MCF2L: variants seen among roughly 807,000 people sequenced by gnomAD.
MCF2L encodes the protein guanine nucleotide exchange factor DBS.
MCF2L carries 97 observed loss-of-function variants against 153.4 expected under a neutral mutation model. The observed-to-expected ratio is 0.63, with a 90% CI of 0.54 to 0.75. MCF2L has a LOEUF of 0.75. Among genes scored for constraint, MCF2L ranks in the 30% least tolerant of loss-of-function variants. The pLI is 0.00. For missense variants in MCF2L, 1,347 were observed against 1,495.2 expected (o/e 0.90, Z 1.64); for synonymous variants, 659 against 632.2 (o/e 1.04, Z -0.64).
rs1410912927 is a variant in MCF2L at position 113,011,667 on chromosome 13, G to C, written c.80-3096G>C. On this transcript the variant is annotated intron_variant, in intron 1 of 29. Coordinates refer to ENST00000535094, the MANE Select transcript of MCF2L (RefSeq NM_001112732.3). ...AGGCAGTGTGGACGGTGGACACTGT[G>C]ATGCAGACGGTGGACAGGCGGTGTG... is the stretch of plus-strand genomic sequence containing the variant. Among the ~76,000 whole-genome samples the C allele has an allele frequency of 4.8e-5, 5 of 103,770 alleles. 1 individual carries two copies. The highest frequency in any genetic ancestry group is 1.1e-4 in the Non-Finnish European group (5 of 44,008). The allele number at this position is 103,770 out of a possible 152,430, so 68.1% of individuals were successfully genotyped here.
At chr13:112,992,941 G>GTGGT (rs2082948871) in intron 1 of MCF2L, among the ~76,000 whole-genome samples, 1 of 152,256 alleles carries the variant, frequency 6.6e-6, no homozygotes, top group Admixed American at 6.5e-5. Flanking sequence ...ACTGAGGTCA[G>GTGGT]ACCCTGGTGC....
At chr13:113,037,209 T>A (rs2086209674) in intron 3 of MCF2L, among the ~76,000 whole-genome samples, 1 of 152,320 alleles carries the variant, frequency 6.6e-6, no homozygotes, top group African/African-American at 2.4e-5. Flanking sequence ...TCCTAAGCTC[T>A]GTGTGCTGTT....
chr13:113,067,002 T>A (rs2141854209), intron 8 of MCF2L, among the ~76,000 whole-genome samples: 1 of 152,346 alleles, frequency 6.6e-6, no homozygotes, highest in African/African-American at 2.4e-5. Flanking sequence ...CTTGAGGGGC[T>A]CCTCGTAGAT....
In MCF2L at chr13:113,077,695, C is replaced by G. The variant is rs575152315; in HGVS notation, c.1660+484C>G. 3.3e-5 allele frequency among the ~76,000 whole-genome samples: 5 copies of G among 152,210 alleles called. No homozygotes were observed. The East Asian group carries it at 9.7e-4, about 29-fold the overall frequency. On this transcript the variant is annotated intron_variant, in intron 13 of 29. Coordinates refer to ENST00000535094, the MANE Select transcript of MCF2L (RefSeq NM_001112732.3). Reference sequence around the variant, plus strand: ...CACGTCCGCGCACCTCAGTCCGGCGCGCATTGCTGGTCCCAAACCCGCCCT... The same window carrying G: ...CACGTCCGCGCACCTCAGTCCGGCGGGCATTGCTGGTCCCAAACCCGCCCT...
chr13:113,086,931 T>G (rs1309548005), intron 21 of MCF2L, among the ~76,000 whole-genome samples: 1 of 152,206 alleles, frequency 6.6e-6, no homozygotes, highest in Non-Finnish European at 1.5e-5. Context: ...TGGAGCTCAC[T>G]CTGGGTGCTG....
At chr13:113,032,470 C>T (rs532925134) in intron 3 of MCF2L, among the ~76,000 whole-genome samples, 7 of 152,376 alleles carry the variant, frequency 4.6e-5, no homozygotes, top group African/African-American at 1.4e-4. Context: ...GGTGGGACAG[C>T]ACAGGACATG....
chr13:113,020,673 C>T (rs956671262), intron 2 of MCF2L, among the ~76,000 whole-genome samples: 1 of 152,236 alleles, frequency 6.6e-6, no homozygotes, highest in Non-Finnish European at 1.5e-5. Context: ...GGCCTCCTCC[C>T]CTCCCACAAG....
intron 3 of MCF2L, among the ~76,000 whole-genome samples, chr13:113,030,542 T>C (rs944810300): frequency 4.2e-5 from 6 of 143,370 alleles, no homozygotes; most frequent in Non-Finnish European, 6.0e-5. Flanking sequence ...CCCTCGGGTG[T>C]CCACCGACGC....
At chr13:112,923,095 C>T (rs1428464765) in intron 2 of MCF2L, among the ~76,000 whole-genome samples, 4 of 152,194 alleles carry the variant, frequency 2.6e-5, no homozygotes, top group East Asian at 1.9e-4. Flanking sequence ...AAAGAATTCT[C>T]GTATATAAGA....
At chr13:112,966,838 A>G (rs1007298719), upstream of MCF2L, among the ~76,000 whole-genome samples, 1 of 152,252 alleles carries the variant, frequency 6.6e-6, no homozygotes, top group Non-Finnish European at 1.5e-5. This position sits in a 1 kb window ranked among gnomAD's most constrained non-coding sequence, Gnocchi z 4.1. Context: ...GGACCAGCAC[A>G]TTCAACATCC....
Position 113,076,112 on chromosome 13 carries a change from C to T in MCF2L, c.1455C>T (p.Asn485=), listed in dbSNP as rs116760356. Residue 485 remains asparagine (N), a synonymous_variant, in exon 12 of 30, where the codon AAC becomes AAT. Coordinates refer to ENST00000535094, the MANE Select transcript of MCF2L (RefSeq NM_001112732.3). ...CGGAAAATAAGATCCAGGAGCTCAA[C>T]GCGATTTACAAGGAATACGAATCCA... ...TGAENKIQEL[N]AIYKEYESIL... is the part of the protein sequence containing the mutation. The T allele has an allele frequency of 2.1e-4, 340 of 1,613,962 alleles. No homozygotes were observed. The highest frequency in any genetic ancestry group is 8.2e-4 in the Middle Eastern group (5 of 6,062).
intron 2 of MCF2L, among the ~76,000 whole-genome samples, chr13:112,916,904 C>G (rs1466266853): frequency 1.3e-5 from 2 of 152,148 alleles, no homozygotes; most frequent in Non-Finnish European, 2.9e-5. Flanking sequence ...CCCTGAACCT[C>G]TGCTCTGCAC....
chr13:112,898,583 C>T (rs1448901565), intron 1 of MCF2L, among the ~76,000 whole-genome samples: 2 of 152,180 alleles, frequency 1.3e-5, no homozygotes, highest in Non-Finnish European at 2.9e-5. Flanking sequence ...CCTCCTGCCC[C>T]AGCGCCCTTC....
chr13:112,937,850 T>A (rs866894957), intron 2 of MCF2L, among the ~76,000 whole-genome samples: 7 of 152,162 alleles, frequency 4.6e-5, no homozygotes, highest in Admixed American at 1.3e-4. Context: ...AGGTGTTGGT[T>A]CAGGTGAACT....
At chr13:112,897,692 G>A (rs1057493046) in intron 1 of MCF2L, among the ~76,000 whole-genome samples, 1 of 152,194 alleles carries the variant, frequency 6.6e-6, no homozygotes, top group African/African-American at 2.4e-5. Flanking sequence ...TGTTTTCTTC[G>A]CAGTCACCAT....
intron 2 of MCF2L, among the ~76,000 whole-genome samples, chr13:112,934,121 T>C (rs776868933): frequency 1.3e-4 from 20 of 152,276 alleles, no homozygotes; most frequent in Non-Finnish European, 1.5e-5. Flanking sequence ...GGCCAGGATC[T>C]GGCCATTCAC....
At chr13:113,018,665 G>A (rs571213282) in intron 2 of MCF2L, among the ~76,000 whole-genome samples, 11 of 152,310 alleles carry the variant, frequency 7.2e-5, no homozygotes, top group South Asian at 6.2e-4. Flanking sequence ...CTTGCTGACC[G>A]TCAGCAAGAG....
chr13:112,914,126 T>C (rs183416933), intron 2 of MCF2L, among the ~76,000 whole-genome samples: 1 of 152,334 alleles, frequency 6.6e-6, no homozygotes, highest in Admixed American at 6.5e-5. Context: ...TATACAGTCT[T>C]GTGGTTAAGA....
chr13:113,033,251 A>G (rs1225919152), intron 3 of MCF2L, among the ~76,000 whole-genome samples: 17 of 68,448 alleles, frequency 2.5e-4, no homozygotes, highest in South Asian at 5.6e-4. Context: ...GGCCCCCGTG[A>G]CATTAGTGGA....
Sources: allele counts gnomAD v4.1 joint callset (sites outside exome capture counted in the v4.1 genomes callset), GRCh38; gene constraint gnomAD v4.1.1; non-coding constraint Gnocchi (gnomAD v3.1); transcripts MANE v1.5; gene names NCBI Gene and HGNC (gene_info 2026-07-23, HGNC 2026-07-21).